Variants in ERBB4 observed in about 807,000 individuals in gnomAD.
ERBB4 encodes receptor tyrosine-protein kinase erbB-4.
A neutral mutation model predicts 158.0 loss-of-function variants in ERBB4; 42 were observed. The ratio of observed to expected loss-of-function variants is 0.27; its 90% CI spans 0.21 to 0.34. The LOEUF (loss-of-function observed/expected upper bound fraction) is 0.34, where lower values mean the gene tolerates loss of function less well. Ranked by LOEUF, ERBB4 falls within the 10% of genes least tolerant of loss-of-function variation. ERBB4 has a pLI of 1.00. For missense variants in ERBB4, 1,333 were observed against 1,624.1 expected, an observed-to-expected ratio of 0.82 and a Z score of 3.08; for synonymous variants, 583 against 558.7, an observed-to-expected ratio of 1.04 and a Z score of -0.61.
At chr2:211,840,507 G>C (rs978533612) in intron 3 of ERBB4, among the ~76,000 whole-genome samples, 1 of 152,110 alleles carries the variant, frequency 6.6e-6, no homozygotes, top group Non-Finnish European at 1.5e-5. Context: ...TTAAGGAGTT[G>C]ATAGATTTAT....
At chr2:212,131,660 T>C (rs1284722974) in intron 1 of ERBB4, among the ~76,000 whole-genome samples, 1 of 152,198 alleles carries the variant, frequency 6.6e-6, no homozygotes, top group Non-Finnish European at 1.5e-5. Context: ...TCAATATTAC[T>C]ACTCCACAAT....
At chr2:211,910,083 C>A (rs1265065666) in intron 3 of ERBB4, among the ~76,000 whole-genome samples, 1 of 151,238 alleles carries the variant, frequency 6.6e-6, no homozygotes, top group African/African-American at 2.4e-5. Flanking sequence ...CCATGGCCAG[C>A]TAATTTTCGT....
chr2:211,932,432 T>C (rs1260530276), intron 3 of ERBB4, among the ~76,000 whole-genome samples: 1 of 152,064 alleles, frequency 6.6e-6, no homozygotes, highest in Admixed American at 6.6e-5. Context: ...TATACATTTA[T>C]GGATTGTCAA....
chr2:212,381,036 A>G (rs1288772301), intron 1 of ERBB4, among the ~76,000 whole-genome samples: 2 of 151,428 alleles, frequency 1.3e-5, no homozygotes, highest in African/African-American at 4.8e-5. Flanking sequence ...TTAGAAAACA[A>G]TAGTATCTTC....
chr2:211,994,281 C>T lies in ERBB4; in HGVS notation c.235-46665G>A, dbSNP rs917477879. ...GAGTACCTAGGATGACAGACACATGCCACCACACTCAGCTAATTAAAAAAA... is the reference window on the plus strand; with the variant it reads ...GAGTACCTAGGATGACAGACACATGTCACCACACTCAGCTAATTAAAAAAA... On this transcript the variant is annotated intron_variant, in intron 2 of 27. Transcript: ENST00000342788. 1.3e-5 allele frequency among the ~76,000 whole-genome samples: 2 copies of T among 151,894 alleles called. 1 individual carries two copies. Among genetic ancestry groups the T allele is most frequent in the African/African-American group, 4.8e-5 (2 of 41,354 alleles).
In ERBB4 at chr2:211,788,079, G is replaced by A. The variant is rs138433638; in HGVS notation, c.502C>T (p.Arg168Trp). The A allele has an allele frequency of 2.3e-5, 37 of 1,612,816 alleles. No homozygotes were observed. The highest frequency in any genetic ancestry group is 2.9e-5 in the Non-Finnish European group (34 of 1,178,926). ...GTCAAGTTGGAAGGCCATGGGTTCC[G>A]AACAATATCTTGCCAATGAATGGTG... is the stretch of plus-strand genomic sequence containing the variant. ...ADTIHWQDIVRNPWPSNLTLV... is the reference protein window; with the variant it reads ...ADTIHWQDIVWNPWPSNLTLV... The change falls in exon 4 of 28, where the codon CGG (arginine) becomes TGG (tryptophan). Residue 168 changes from arginine (R) to tryptophan (W), a missense_variant. Physicochemically the swap from Arg to Trp is moderately radical, Grantham distance 101. Around this residue, in one of 5 missense-constraint regions of ERBB4, gnomAD observed 438 missense variants for 586.9 expected, o/e 0.75. Coordinates refer to ENST00000342788, the MANE Select transcript of ERBB4 (RefSeq NM_005235.3).
intron 1 of ERBB4, among the ~76,000 whole-genome samples, chr2:212,431,483 T>C (rs1367195329): frequency 1.3e-5 from 2 of 151,972 alleles, no homozygotes; most frequent in African/African-American, 4.8e-5. Context: ...GTCAACACAA[T>C]CTCTTACTTG....
At chr2:211,708,382 C>T (rs1017683392) in intron 9 of ERBB4, among the ~76,000 whole-genome samples, 4 of 152,010 alleles carry the variant, frequency 2.6e-5, no homozygotes, top group Non-Finnish European at 5.9e-5. Flanking sequence ...TGATTAAAGA[C>T]AAATAATCCC....
intron 3 of ERBB4, among the ~76,000 whole-genome samples, chr2:211,856,299 A>AGCT (rs961043151): frequency 1.1e-4 from 17 of 152,142 alleles, no homozygotes; most frequent in Admixed American, 5.2e-4. Context: ...TACAGCCCAG[A>AGCT]GCTGTGAAGT....
intron 1 of ERBB4, among the ~76,000 whole-genome samples, chr2:212,375,686 T>C (rs1197079959): frequency 1.3e-5 from 2 of 152,104 alleles, no homozygotes; most frequent in Non-Finnish European, 2.9e-5. Context: ...TCCATTTTTG[T>C]ACCAAAATAA....
At chr2:211,397,546 C>T (rs955374379) in intron 25 of ERBB4, among the ~76,000 whole-genome samples, 1 of 152,122 alleles carries the variant, frequency 6.6e-6, no homozygotes, top group African/African-American at 2.4e-5. Flanking sequence ...TAGTTACTAA[C>T]AGGCCTAATT....
chr2:211,417,335 G>A (rs1254575289), intron 25 of ERBB4, among the ~76,000 whole-genome samples: 1 of 152,058 alleles, frequency 6.6e-6, no homozygotes, highest in Non-Finnish European at 1.5e-5. Flanking sequence ...AAAATTAGCT[G>A]GGCAGGGTGG....
At chr2:211,398,955 TC>T (rs1361496603) in intron 25 of ERBB4, among the ~76,000 whole-genome samples, 1 of 152,186 alleles carries the variant, frequency 6.6e-6, no homozygotes, top group Non-Finnish European at 1.5e-5. Context: ...TTCACCTCTT[TC>T]TTTGCTCTTT....
chr2:212,074,411 C>T (rs149040114), intron 2 of ERBB4, among the ~76,000 whole-genome samples: 70 of 151,982 alleles, frequency 4.6e-4, no homozygotes, highest in Non-Finnish European at 7.9e-4. Flanking sequence ...AATCATAGCA[C>T]ATCATTAAGG....
At chr2:211,497,533 A>G (rs560410072) in intron 20 of ERBB4, among the ~76,000 whole-genome samples, 25 of 152,266 alleles carry the variant, frequency 1.6e-4, no homozygotes, top group African/African-American at 5.3e-4. Context: ...GAATAAGGGC[A>G]TCACTTACTT....
chr2:211,835,500 T>C (rs2077321854), intron 3 of ERBB4, among the ~76,000 whole-genome samples: 1 of 152,150 alleles, frequency 6.6e-6, no homozygotes, highest in African/African-American at 2.4e-5. Flanking sequence ...TGTGAGATTC[T>C]TGATTAATTT....
intron 3 of ERBB4, among the ~76,000 whole-genome samples, chr2:211,795,004 TC>T (rs1410949556): frequency 6.6e-6 from 1 of 151,938 alleles, no homozygotes; most frequent in East Asian, 1.9e-4. Context: ...TCATAGTGTC[TC>T]TTTTTATATC....
rs548232329 is a variant in ERBB4 at position 212,169,345 on chromosome 2, T to A, written c.83-44442A>T. Among the ~76,000 whole-genome samples the A allele has an allele frequency of 2.1e-3, 313 of 152,192 alleles. 5 individuals are homozygous for A. The highest frequency in any genetic ancestry group is 1.8e-3 in the Non-Finnish European group (125 of 68,006). On this transcript the variant is annotated intron_variant, in intron 1 of 27. Transcript: ENST00000342788. Reference sequence around the variant, plus strand: ...ATAATAATATTCAGATTTAAAAAAATAAGTTTATACATACACTTACAACCA... The same window carrying A: ...ATAATAATATTCAGATTTAAAAAAAAAAGTTTATACATACACTTACAACCA...
At chr2:211,538,643 G>A (rs370978692) in intron 20 of ERBB4, among the ~76,000 whole-genome samples, 70 of 151,896 alleles carry the variant, frequency 4.6e-4, no homozygotes, top group African/African-American at 1.3e-3. Context: ...AGTAAGTCCC[G>A]TAATCCTTTT....
Sources: gnomAD v4.1 joint callset for allele counts (sites outside exome capture counted in the v4.1 genomes callset) on GRCh38, gnomAD v4.1.1 for gene constraint, gnomAD v4.1.1 regional missense constraint, MANE v1.5 for transcripts, NCBI Gene and HGNC (gene_info 2026-07-23, HGNC 2026-07-21) for gene names.